TRAPPC9: variants seen among roughly 807,000 people sequenced by gnomAD.
TRAPPC9 encodes IKK2 binding protein.
A neutral mutation model predicts 124.0 loss-of-function variants in TRAPPC9; 83 were observed. The observed-to-expected ratio is 0.67, with a 90% CI of 0.56 to 0.80. The LOEUF is 0.80. Ranked by LOEUF, TRAPPC9 falls within the 30% of genes least tolerant of loss-of-function variation. The probability of loss-of-function intolerance (pLI) is 0.00; values close to 1 mark genes in which losing one functional copy is unlikely to be tolerated. For missense variants in TRAPPC9, 1,302 were observed against 1,508.3 expected, an observed-to-expected ratio of 0.86 and a Z score of 2.27; for synonymous variants, 638 against 617.5, an observed-to-expected ratio of 1.03 and a Z score of -0.49.
Position 140,033,674 on chromosome 8 carries a change from T to TTTG in TRAPPC9, c.2557-9596_2557-9595insCAA, listed in dbSNP as rs1563706840. ...CATAATGTGGTTTTTTTTTTTTTTT[T>TTTG]TTTTTTTTTTTTTTTTTTTTTTTTT... is the stretch of plus-strand genomic sequence containing the variant. On this transcript the variant is annotated intron_variant, in intron 17 of 22. Transcript: ENST00000438773. Among the ~76,000 whole-genome samples the TTTG allele has an allele frequency of 4.6e-3, 430 of 93,082 alleles. 30 individuals carry two copies. Among genetic ancestry groups the TTTG allele is most frequent in the Non-Finnish European group, 6.4e-3 (297 of 46,428 alleles). The allele number at this position is 93,082 out of a possible 152,430, so 61.1% of individuals were successfully genotyped here. A position where few individuals can be genotyped will look rare whatever the true frequency, so the allele number is the denominator to read the frequency against.
At chr8:140,233,619 C>CCCG in intron 16 of TRAPPC9, among the ~76,000 whole-genome samples, 1 of 30,866 alleles carries the variant, frequency 3.2e-5, no homozygotes, top group Non-Finnish European at 7.8e-5. Flanking sequence ...TCCCTCTCTC[C>CCCG]CCACCACACA....
At chr8:139,917,371 G>A (rs1333698760) in intron 19 of TRAPPC9, among the ~76,000 whole-genome samples, 2 of 151,734 alleles carry the variant, frequency 1.3e-5, no homozygotes, top group African/African-American at 2.4e-5. Flanking sequence ...TAGTAGAGAC[G>A]GGGTTTCACT....
At chr8:140,082,482 G>A (rs922151093) in intron 17 of TRAPPC9, among the ~76,000 whole-genome samples, 8 of 152,136 alleles carry the variant, frequency 5.3e-5, no homozygotes, top group Non-Finnish European at 1.0e-4. Context: ...AGGCGAAAGT[G>A]CCACCATGTC....
chr8:140,337,842 C>G (rs1049908806), intron 9 of TRAPPC9, among the ~76,000 whole-genome samples: 1 of 151,758 alleles, frequency 6.6e-6, no homozygotes, highest in Non-Finnish European at 1.5e-5. Flanking sequence ...CACAAACAGC[C>G]AAGCAAGCAC....
intron 7 of TRAPPC9, among the ~76,000 whole-genome samples, chr8:140,377,774 G>A (rs942021316): frequency 5.3e-5 from 8 of 151,930 alleles, no homozygotes; most frequent in Non-Finnish European, 1.2e-4. Flanking sequence ...AATGCCTTCC[G>A]CACTACACTA....
chr8:140,399,232 A>G (rs573585534), intron 6 of TRAPPC9, among the ~76,000 whole-genome samples: 2 of 152,346 alleles, frequency 1.3e-5, no homozygotes, highest in East Asian at 3.9e-4. Flanking sequence ...TGCAAAAGGG[A>G]AATATGGGGT....
At chr8:139,736,770 C>G (rs557363843) in intron 21 of TRAPPC9, among the ~76,000 whole-genome samples, 1 of 152,326 alleles carries the variant, frequency 6.6e-6, no homozygotes, top group South Asian at 2.1e-4. Context: ...GTGACCCCGT[C>G]AGCAGCAACA....
intron 21 of TRAPPC9, among the ~76,000 whole-genome samples, chr8:139,872,329 T>A (rs947004155): frequency 7.3e-6 from 1 of 137,768 alleles, no homozygotes; most frequent in African/African-American, 2.5e-5. Flanking sequence ...GTTGGATGAG[T>A]GGATGGATAG....
intron 17 of TRAPPC9, among the ~76,000 whole-genome samples, chr8:140,086,635 C>T (rs1250152669): frequency 3.3e-5 from 5 of 152,170 alleles, no homozygotes; most frequent in Non-Finnish European, 7.3e-5. Context: ...AAACATCCCT[C>T]TCTCGGCCAG....
At chr8:139,841,429 C>T (rs1826723666) in intron 21 of TRAPPC9, among the ~76,000 whole-genome samples, 1 of 152,206 alleles carries the variant, frequency 6.6e-6, no homozygotes, top group South Asian at 2.1e-4. Flanking sequence ...GGCCGGCGGG[C>T]CTCACTGCTG....
At chr8:140,024,198 T>A in intron 17 of TRAPPC9, 119 bp from the exon 18 acceptor site, 1 of 1,284,222 alleles carries the variant, frequency 7.8e-7, no homozygotes, top group Non-Finnish European at 1.1e-6. Context: ...ACTAGTCAAG[T>A]CATCAGCATT....
chr8:140,206,079 A>C (rs2062909914), intron 17 of TRAPPC9, among the ~76,000 whole-genome samples: 1 of 152,212 alleles, frequency 6.6e-6, no homozygotes, highest in Non-Finnish European at 1.5e-5. Context: ...TATCCCCAGA[A>C]TGCAAGGTTG....
chr8:140,380,425 G>T (rs1459709398), intron 7 of TRAPPC9, among the ~76,000 whole-genome samples: 3 of 151,994 alleles, frequency 2.0e-5, no homozygotes, highest in Non-Finnish European at 2.9e-5. Context: ...AGGCCGGGGT[G>T]GGTGGATCGC....
intron 21 of TRAPPC9, among the ~76,000 whole-genome samples, chr8:139,860,513 G>C (rs148152868): frequency 6.6e-6 from 1 of 152,122 alleles, no homozygotes; most frequent in Admixed American, 6.5e-5. Context: ...CAGGATCCCC[G>C]GCCCCCAGCT....
At chr8:139,930,884 G>T (rs1343062747) in intron 19 of TRAPPC9, among the ~76,000 whole-genome samples, 2 of 152,234 alleles carry the variant, frequency 1.3e-5, no homozygotes, top group Non-Finnish European at 2.9e-5. Context: ...TGAGTGCTCA[G>T]TGTACGCTGG....
At chr8:139,879,128 C>G (rs1340477785) in intron 21 of TRAPPC9, among the ~76,000 whole-genome samples, 1 of 152,234 alleles carries the variant, frequency 6.6e-6, no homozygotes, top group Non-Finnish European at 1.5e-5. Context: ...TAGAAACTCC[C>G]ACAGGCCATG....
chr8:139,859,502 G>C (rs1827999950), intron 21 of TRAPPC9, among the ~76,000 whole-genome samples: 1 of 152,162 alleles, frequency 6.6e-6, no homozygotes, highest in Admixed American at 6.5e-5. Flanking sequence ...CAGAAAGAAG[G>C]AAAATTCATG....
intron 7 of TRAPPC9, 110 bp from the exon 8 acceptor site, chr8:140,371,290 G>C: frequency 8.6e-7 from 1 of 1,159,110 alleles, no homozygotes; most frequent in Non-Finnish European, 1.2e-6. Flanking sequence ...GAGAATCGAG[G>C]AGAATCAAGG....
chr8:139,777,654 C>A (rs1331258963), intron 21 of TRAPPC9, among the ~76,000 whole-genome samples: 2 of 152,208 alleles, frequency 1.3e-5, no homozygotes, highest in Non-Finnish European at 2.9e-5. Context: ...ATGAATGAGG[C>A]TTCTGCTTCC....
Sources: allele counts gnomAD v4.1 joint callset (sites outside exome capture counted in the v4.1 genomes callset), GRCh38; gene constraint gnomAD v4.1.1; transcripts MANE v1.5; gene names NCBI Gene and HGNC (gene_info 2026-07-23, HGNC 2026-07-21).